MSRA: variants seen among roughly 807,000 people sequenced by gnomAD.
MSRA encodes mitochondrial peptide methionine sulfoxide reductase.
A neutral mutation model predicts 31.3 loss-of-function variants in MSRA; 54 were observed. The observed-to-expected ratio is 1.73, with a 90% CI of 1.39 to 2.17. The LOEUF (loss-of-function observed/expected upper bound fraction) is 2.17, where lower values mean the gene tolerates loss of function less well. Ranked by LOEUF, MSRA falls within the 30% of genes most tolerant of loss-of-function variation. MSRA has a pLI of 0.00. For missense variants in MSRA, 507 were observed against 300.9 expected (o/e 1.69, Z -5.07); for synonymous variants, 169 against 116.5 (o/e 1.45, Z -2.90).
chr8:10,209,805 G>C (rs1585175249), intron 2 of MSRA, among the ~76,000 whole-genome samples: 1 of 152,312 alleles, frequency 6.6e-6, no homozygotes, highest in South Asian at 2.1e-4. Flanking sequence ...CACTGTGCAT[G>C]GCCAGCATGT....
intron 3 of MSRA, among the ~76,000 whole-genome samples, chr8:10,271,446 A>G (rs1799033261): frequency 4.0e-5 from 1 of 24,890 alleles, no homozygotes; most frequent in Admixed American, 4.9e-4. Context: ...ATGGAAATTG[A>G]CTAGGGGAAA....
chr8:10,241,385 A>G (rs1254459501), intron 2 of MSRA, among the ~76,000 whole-genome samples: 2 of 152,232 alleles, frequency 1.3e-5, no homozygotes, highest in South Asian at 2.1e-4. Context: ...GCTGAAGCTT[A>G]CATGAGAGCA....
intron 1 of MSRA, among the ~76,000 whole-genome samples, chr8:10,191,896 C>T (rs1405233781): frequency 6.6e-6 from 1 of 152,156 alleles, no homozygotes. Context: ...AAACAACACT[C>T]ATTTACTATC....
At chr8:10,102,812 A>G (rs1378760380) in intron 1 of MSRA, among the ~76,000 whole-genome samples, 1 of 152,120 alleles carries the variant, frequency 6.6e-6, no homozygotes, top group African/African-American at 2.4e-5. Flanking sequence ...AGGGTACCTT[A>G]TTATTGGTAG....
chr8:10,228,063 C>T (rs770711427), intron 2 of MSRA, among the ~76,000 whole-genome samples: 6 of 152,344 alleles, frequency 3.9e-5, no homozygotes, highest in Non-Finnish European at 5.9e-5. Flanking sequence ...AAGAGACTTA[C>T]TCCAGGCCAC....
At chr8:10,169,411 A>C (rs1013898208) in intron 1 of MSRA, among the ~76,000 whole-genome samples, 5 of 152,150 alleles carry the variant, frequency 3.3e-5, no homozygotes, top group Non-Finnish European at 5.9e-5. Flanking sequence ...TGCCACTTTC[A>C]TTTATTACTG....
chr8:10,180,536 G>C (rs140280215), intron 1 of MSRA, among the ~76,000 whole-genome samples: 6,448 of 152,150 alleles, frequency 0.042, 202 homozygotes, highest in South Asian at 0.11. Flanking sequence ...GGTTCCTCCG[G>C]GAGCCAGTCC....
intron 1 of MSRA, among the ~76,000 whole-genome samples, chr8:10,091,790 A>G (rs1484671827): frequency 6.6e-6 from 1 of 152,058 alleles, no homozygotes; most frequent in African/African-American, 2.4e-5. Flanking sequence ...TAGTTTTAGT[A>G]GAGGTGGGAT....
chr8:10,121,569 T>C (rs1801109767), intron 1 of MSRA, among the ~76,000 whole-genome samples: 1 of 152,194 alleles, frequency 6.6e-6, no homozygotes, highest in South Asian at 2.1e-4. Context: ...CTTAAGCCTT[T>C]TGGCCAGAAT....
At chr8:10,117,975 C>T (rs1317894767) in intron 1 of MSRA, among the ~76,000 whole-genome samples, 1 of 152,056 alleles carries the variant, frequency 6.6e-6, no homozygotes, top group Non-Finnish European at 1.5e-5. Context: ...CATAAGAAAC[C>T]GTTCATCACT....
chr8:10,245,892 C>G (rs944863727), intron 3 of MSRA, among the ~76,000 whole-genome samples: 20 of 152,204 alleles, frequency 1.3e-4, no homozygotes. Flanking sequence ...TAGGAGGTAT[C>G]AAGAATCGGG....
intron 1 of MSRA, among the ~76,000 whole-genome samples, chr8:10,172,688 C>G (rs1301770722): frequency 6.6e-6 from 1 of 152,036 alleles, no homozygotes; most frequent in Admixed American, 6.6e-5. Context: ...GAATCTAGGG[C>G]CCAAAGTCTC....
intron 2 of MSRA, among the ~76,000 whole-genome samples, chr8:10,218,325 T>C (rs150799924): frequency 1.7e-3 from 252 of 152,040 alleles, no homozygotes; most frequent in African/African-American, 5.7e-3. Context: ...TTTGTATTTT[T>C]AGTAGGGATG....
intron 1 of MSRA, among the ~76,000 whole-genome samples, chr8:10,075,673 C>A (rs1797962411): frequency 6.6e-6 from 1 of 152,226 alleles, no homozygotes; most frequent in Admixed American, 6.5e-5. Flanking sequence ...TATGTTCTAG[C>A]ATCAAGAGAT....
At chr8:10,158,331 T>C (rs1274232598) in intron 1 of MSRA, among the ~76,000 whole-genome samples, 1 of 152,220 alleles carries the variant, frequency 6.6e-6, no homozygotes, top group Non-Finnish European at 1.5e-5. Context: ...AACGTTTGCA[T>C]TACCTCAAAA....
At chr8:10,228,038 T>C (rs954489200) in intron 2 of MSRA, among the ~76,000 whole-genome samples, 49 of 152,330 alleles carry the variant, frequency 3.2e-4, no homozygotes, top group African/African-American at 1.2e-3. Flanking sequence ...TCTTCTTTGC[T>C]GGATAGCTGA....
intron 5 of MSRA, among the ~76,000 whole-genome samples, chr8:10,376,015 G>A (rs75086673): frequency 6.6e-6 from 1 of 152,148 alleles, no homozygotes; most frequent in Non-Finnish European, 1.5e-5. Context: ...TCCCCGGTCA[G>A]GTTCAGGACT....
chr8:10,181,530 C>T (rs1314258652), intron 1 of MSRA, among the ~76,000 whole-genome samples: 1 of 151,488 alleles, frequency 6.6e-6, no homozygotes, highest in Non-Finnish European at 1.5e-5. Flanking sequence ...AAAGTGAAGA[C>T]TGAAATGTAT....
chr8:10,235,493 G>C (rs1158574541), intron 2 of MSRA, among the ~76,000 whole-genome samples: 1 of 152,080 alleles, frequency 6.6e-6, no homozygotes, highest in East Asian at 1.9e-4. Flanking sequence ...GAAATGAGCA[G>C]ACTAACAGAC....
Sources: gnomAD v4.1 joint callset for allele counts (sites outside exome capture counted in the v4.1 genomes callset) on GRCh38, gnomAD v4.1.1 for gene constraint, MANE v1.5 for transcripts, NCBI Gene and HGNC (gene_info 2026-07-23, HGNC 2026-07-21) for gene names.